Variants in GLIS1 observed in about 807,000 individuals in gnomAD.
The protein encoded by GLIS1 is zinc finger protein GLIS1.
A neutral mutation model predicts 63.8 loss-of-function variants in GLIS1; 24 were observed. The ratio of observed to expected loss-of-function variants is 0.38; its 90% CI spans 0.27 to 0.53. The LOEUF is 0.53. Ranked by LOEUF, GLIS1 falls within the 20% of genes least tolerant of loss-of-function variation. The pLI is 0.85. For synonymous variants in GLIS1, 450 were observed against 482.5 expected (o/e 0.93, Z 0.88); for missense variants, 1,036 against 1,074.1 (o/e 0.96, Z 0.50).
At chr1:53,605,114 C>A (rs1645357349) in intron 2 of GLIS1, among the ~76,000 whole-genome samples, 1 of 152,034 alleles carries the variant, frequency 6.6e-6, no homozygotes, top group Non-Finnish European at 1.5e-5. Flanking sequence ...CTTTTTCCTG[C>A]ATCTGTAAAA....
intron 2 of GLIS1, among the ~76,000 whole-genome samples, chr1:53,660,691 G>A (rs926232388): frequency 1.5e-4 from 23 of 152,206 alleles, no homozygotes; most frequent in African/African-American, 5.5e-4. Context: ...GCAGCATACA[G>A]ACATGGACCC....
rs1248878602 is a variant in GLIS1 at position 53,708,573 on chromosome 1, G to A, written c.259+29233C>T. Reference sequence around the variant, plus strand: ...TGGGACTGGGGCTGAGTGTGCACGGGACTGGTGTCGCCTAGCAAGTCAGCA... The same window carrying A: ...TGGGACTGGGGCTGAGTGTGCACGGAACTGGTGTCGCCTAGCAAGTCAGCA... On this transcript the variant is annotated intron_variant, in intron 2 of 10. Transcript: ENST00000628545. 2.0e-5 allele frequency among the ~76,000 whole-genome samples: 3 copies of A among 152,188 alleles called. No homozygotes were observed. The East Asian group carries it at 5.8e-4, about 29-fold the overall frequency.
Position 53,509,787 on chromosome 1 carries a change from C to T in GLIS1, c.2062+62G>A. On this transcript the variant is annotated intron_variant, in intron 9 of 10. Coordinates refer to ENST00000628545, the MANE Select transcript of GLIS1 (RefSeq NM_001367484.1). ...CCACTAGGTCACTGTCTCCTCGTTC[C>T]TCTGGGGTCCCTAAGTGGGAATTGG... 3.8e-6 allele frequency: 4 copies of T among 1,051,034 alleles called. No homozygotes were observed. The South Asian group carries it at 1.4e-4, about 37-fold the overall frequency. The allele number at this position is 1,051,034 out of a possible 1,614,324, so 65.1% of individuals were successfully genotyped here. A position where few individuals can be genotyped will look rare whatever the true frequency, so the allele number is the denominator to read the frequency against.
At chr1:53,738,780 G>C (rs968150487) in intron 1 of GLIS1, among the ~76,000 whole-genome samples, 2 of 152,184 alleles carry the variant, frequency 1.3e-5, no homozygotes, top group African/African-American at 4.8e-5. Flanking sequence ...GGCACAGTGG[G>C]CAATGCCCAC....
At chr1:53,734,994 C>T (rs1224760770) in intron 2 of GLIS1, among the ~76,000 whole-genome samples, 1 of 152,282 alleles carries the variant, frequency 6.6e-6, no homozygotes, top group African/African-American at 2.4e-5. Flanking sequence ...CATCCCAGTG[C>T]CTCCCGATTC....
At chr1:53,579,127 C>T (rs1645060268) in intron 4 of GLIS1, among the ~76,000 whole-genome samples, 1 of 151,338 alleles carries the variant, frequency 6.6e-6, no homozygotes, top group South Asian at 2.1e-4. Flanking sequence ...TTCTTTATAC[C>T]AATGCTGTCA....
intron 4 of GLIS1, among the ~76,000 whole-genome samples, chr1:53,551,428 C>T (rs2100403433): frequency 6.6e-6 from 1 of 152,308 alleles, no homozygotes; most frequent in Non-Finnish European, 1.5e-5. Context: ...GGGATAATTG[C>T]AGGGCAAGGG....
chr1:53,573,674 A>G (rs534047622), intron 4 of GLIS1, among the ~76,000 whole-genome samples: 18 of 152,346 alleles, frequency 1.2e-4, no homozygotes, highest in Admixed American at 1.2e-3. Context: ...ACACACATGC[A>G]CAGTTAGAGA....
intron 2 of GLIS1, among the ~76,000 whole-genome samples, chr1:53,601,079 T>C (rs12064395): frequency 0.8 from 122,383 of 152,142 alleles, 54,020 homozygotes; most frequent in Non-Finnish European, 0.99. Context: ...CATTTTCTTA[T>C]GCTTTCTGTC....
chr1:53,551,583 T>C (rs1644760061), intron 4 of GLIS1, among the ~76,000 whole-genome samples: 1 of 152,178 alleles, frequency 6.6e-6, no homozygotes, highest in African/African-American at 2.4e-5. Context: ...CTTAGAGTCC[T>C]GGGGAACCAA....
In GLIS1 at chr1:53,560,251, G is replaced by C. The variant is rs145977746; in HGVS notation, c.1321-30299C>G. Among the ~76,000 whole-genome samples, 14 of 152,342 alleles carry C rather than the reference G, an allele frequency of 9.2e-5. No homozygotes were observed. The East Asian group carries it at 2.5e-3, about 27-fold the overall frequency. ...GACAAAGAAGAGCCAGCTTTGCCCAGACCTGGGGGCAGCAGCTGTGTTGAC... is the reference window on the plus strand; with the variant it reads ...GACAAAGAAGAGCCAGCTTTGCCCACACCTGGGGGCAGCAGCTGTGTTGAC... On this transcript the variant is annotated intron_variant, in intron 4 of 10. Coordinates refer to ENST00000628545, the MANE Select transcript of GLIS1 (RefSeq NM_001367484.1). This position sits in a 1 kb window ranked among gnomAD's most constrained non-coding sequence, Gnocchi z 4.4.
At chr1:53,632,451 G>GTGAC (rs1184861099) in intron 2 of GLIS1, among the ~76,000 whole-genome samples, 1 of 147,918 alleles carries the variant, frequency 6.8e-6, no homozygotes, top group Non-Finnish European at 1.5e-5. Flanking sequence ...TGTAATGAGT[G>GTGAC]TGACTGGGGC....
chr1:53,564,238 T>C (rs558724600), intron 4 of GLIS1, among the ~76,000 whole-genome samples: 11 of 152,302 alleles, frequency 7.2e-5, no homozygotes, highest in African/African-American at 2.6e-4. Context: ...CCTAAGGTTC[T>C]TGTATTGTTG....
intron 4 of GLIS1, among the ~76,000 whole-genome samples, chr1:53,573,757 C>A (rs1645006682): frequency 6.6e-6 from 1 of 152,214 alleles, no homozygotes; most frequent in African/African-American, 2.4e-5. Flanking sequence ...GCCAGGGTGT[C>A]AGGGTCGGAG....
chr1:53,675,912 A>C (rs1646206813), intron 2 of GLIS1, among the ~76,000 whole-genome samples: 1 of 145,522 alleles, frequency 6.9e-6, no homozygotes. Context: ...TCCTCTCCCT[A>C]CCTGGCCCAG....
At chr1:53,575,518 G>A (rs1051562542) in intron 4 of GLIS1, among the ~76,000 whole-genome samples, 1 of 152,134 alleles carries the variant, frequency 6.6e-6, no homozygotes, top group Non-Finnish European at 1.5e-5. Context: ...CCCACACGGG[G>A]CCCTAGTGTC....
chr1:53,593,844 G>T (rs776997296), intron 4 of GLIS1, among the ~76,000 whole-genome samples: 6 of 152,224 alleles, frequency 3.9e-5, no homozygotes, highest in African/African-American at 1.4e-4. Flanking sequence ...GCCCTGTGGC[G>T]TGCTAAGATA....
At chr1:53,632,921 T>G (rs1338348234) in intron 2 of GLIS1, among the ~76,000 whole-genome samples, 3 of 137,186 alleles carry the variant, frequency 2.2e-5, no homozygotes, top group Non-Finnish European at 4.6e-5. Flanking sequence ...GAGGTGTGAA[T>G]GAGTGTGACT....
At position 53,594,914 on chromosome 1, in the gene GLIS1, C is replaced by G. The variant is rs564139736; in HGVS notation, c.514G>C (p.Asp172His). 5 of 1,512,728 alleles carry G rather than the reference C, an allele frequency of 3.3e-6. No individual in the cohort carries two copies. The South Asian group carries it at 5.2e-5, about 16-fold the overall frequency. The allele number at this position is 1,512,728 out of a possible 1,614,324, so 93.7% of individuals were successfully genotyped here. The stretch of plus-strand genomic sequence containing the variant: ...CGGGCCTCTGCCATGGCTTGGTAGT[C>G]GGGCAAGGACTCCTGTTTGATGTGT... ...TQHIKQESLPDYQAMAEARTS... is the reference protein window; with the variant it reads ...TQHIKQESLPHYQAMAEARTS... Residue 172 changes from aspartate (D) to histidine (H), a missense_variant, in exon 4 of 11, where the codon GAC becomes CAC. Asp to His is a moderately conservative substitution (Grantham distance 81, BLOSUM62 -1). Around this residue, in one of 3 missense-constraint regions of GLIS1, gnomAD observed 592 missense variants for 593.9 expected, o/e 1.00. Transcript: ENST00000628545.
Sources: allele counts gnomAD v4.1 joint callset (sites outside exome capture counted in the v4.1 genomes callset), GRCh38; gene constraint gnomAD v4.1.1; regional missense constraint gnomAD v4.1.1; non-coding constraint Gnocchi (gnomAD v3.1); transcripts MANE v1.5; gene names NCBI Gene and HGNC (gene_info 2026-07-23, HGNC 2026-07-21).